The following GPR176 variants were observed in gnomAD, a reference collection of about 807,000 sequenced individuals.
GPR176 encodes the protein G protein-coupled receptor 176.
In GPR176, 26 loss-of-function variants were observed where a neutral mutation model predicts 35.4. The ratio of observed to expected loss-of-function variants is 0.74; its 90% CI spans 0.54 to 1.02. GPR176 has a LOEUF of 1.02. Among genes scored for constraint, GPR176 ranks in the 50% least tolerant of loss-of-function variants. The pLI, the probability that GPR176 is intolerant of heterozygous loss-of-function variation, is 0.00. For synonymous variants in GPR176, 278 were observed against 271.3 expected (o/e 1.02, Z -0.24); for missense variants, 597 against 665.3 (o/e 0.90, Z 1.13).
Position 39,799,539 on chromosome 15 carries a change from A to T in GPR176, c.*1593T>A, listed in dbSNP as rs535126778. 6.6e-6 allele frequency: 1 copy of T among 152,364 alleles called. No homozygotes were observed. The highest frequency in any genetic ancestry group is 2.1e-4 in the South Asian group (1 of 4,820). 9.4% of individuals were successfully genotyped at this position (152,364 alleles called of 1,614,324 possible). A position where few individuals can be genotyped will look rare whatever the true frequency, so the allele number is the denominator to read the frequency against. The stretch of plus-strand genomic sequence containing the variant: ...ACACCCAAGAGAAGAAAGGAAAACA[A>T]AACTCCCTACAGGGTCTGGGCTCCC... On this transcript the variant is annotated 3_prime_UTR_variant, in exon 3 of 3. Coordinates refer to ENST00000561100, the MANE Select transcript of GPR176 (RefSeq NM_007223.3).
chr15:39,824,843 G>A (rs944045413), intron 1 of GPR176, among the ~76,000 whole-genome samples: 2 of 152,112 alleles, frequency 1.3e-5, no homozygotes, highest in African/African-American at 4.8e-5. Context: ...CTACCCCTCT[G>A]CTTTTTCACA....
At chr15:39,804,104 G>C (rs1016368052) in intron 2 of GPR176, among the ~76,000 whole-genome samples, 6 of 152,132 alleles carry the variant, frequency 3.9e-5, no homozygotes, top group African/African-American at 1.4e-4. Context: ...ACTGCCATTT[G>C]CTCACTGACA....
chr15:39,808,012 GT>G (rs1313737840), intron 1 of GPR176, among the ~76,000 whole-genome samples: 3 of 152,098 alleles, frequency 2.0e-5, no homozygotes, highest in Non-Finnish European at 4.4e-5. Context: ...CAATCTCCTG[GT>G]TTTCCTTCCA....
intron 1 of GPR176, among the ~76,000 whole-genome samples, chr15:39,865,686 A>G (rs1431632451): frequency 6.6e-6 from 1 of 152,154 alleles, no homozygotes; most frequent in Admixed American, 6.5e-5. Context: ...TTACAACTGT[A>G]CCCCATAAAT....
chr15:39,854,657 T>C (rs970731237), intron 1 of GPR176, among the ~76,000 whole-genome samples: 6 of 152,142 alleles, frequency 3.9e-5, no homozygotes, highest in African/African-American at 1.2e-4. Context: ...GTAGGGAGCA[T>C]AGAAATCAGT....
chr15:39,879,757 T>TCACTCC (rs2032400785), intron 1 of GPR176, among the ~76,000 whole-genome samples: 1 of 152,160 alleles, frequency 6.6e-6, no homozygotes, highest in Non-Finnish European at 1.5e-5. Flanking sequence ...TATTCCTCAC[T>TCACTCC]CACTCCCTAT....
intron 1 of GPR176, among the ~76,000 whole-genome samples, chr15:39,811,029 C>T (rs933609204): frequency 6.6e-6 from 1 of 152,128 alleles, no homozygotes; most frequent in Non-Finnish European, 1.5e-5. Context: ...AGGCTTTTAA[C>T]TAATATGCCA....
At position 39,830,871 on chromosome 15, in the gene GPR176, A is replaced by G. The variant is rs937242745; in HGVS notation, c.173-23613T>C. ...TAACAACTGCTAGAAGGCCTCATCC[A>G]AGAGAATATAAACAGAGACTCTCAC... On this transcript the variant is annotated intron_variant, in intron 1 of 2. Transcript: ENST00000561100. 6.6e-5 allele frequency among the ~76,000 whole-genome samples: 10 copies of G among 152,212 alleles called. No individual in the cohort carries two copies. The South Asian group carries it at 1.4e-3, about 22-fold the overall frequency.
At chr15:39,875,264 T>C (rs978409044) in intron 1 of GPR176, among the ~76,000 whole-genome samples, 6 of 152,222 alleles carry the variant, frequency 3.9e-5, no homozygotes, top group African/African-American at 1.4e-4. Context: ...TCTCGCTTTT[T>C]GAGCCTGATA....
chr15:39,879,027 A>T (rs893288496), intron 1 of GPR176, among the ~76,000 whole-genome samples: 1 of 152,216 alleles, frequency 6.6e-6, no homozygotes, highest in Admixed American at 6.5e-5. Context: ...CACCTTGGTG[A>T]AGATTACTGA....
chr15:39,845,671 C>T (rs908096040), intron 1 of GPR176, among the ~76,000 whole-genome samples: 1 of 151,992 alleles, frequency 6.6e-6, no homozygotes, highest in Non-Finnish European at 1.5e-5. Flanking sequence ...GTGGGAAGGG[C>T]AGGTCTGTCT....
At chr15:39,832,128 A>G (rs1305416482) in intron 1 of GPR176, among the ~76,000 whole-genome samples, 1 of 152,190 alleles carries the variant, frequency 6.6e-6, no homozygotes, top group East Asian at 1.9e-4. Flanking sequence ...GCTCAGCATC[A>G]TTAGCCATTA....
At position 39,819,829 on chromosome 15, in the gene GPR176, C is replaced by T. The variant is rs958640287; in HGVS notation, c.173-12571G>A. Among the ~76,000 whole-genome samples the T allele has an allele frequency of 5.3e-5, 8 of 152,326 alleles. No individual in the cohort carries two copies. The East Asian group carries it at 1.5e-3, about 29-fold the overall frequency. Reference sequence around the variant, plus strand: ...ACTAAGAAAGGAAAGTGAGCCTGATCGTGCTTCAGTCCACTGGGACCTAGC... The same window carrying T: ...ACTAAGAAAGGAAAGTGAGCCTGATTGTGCTTCAGTCCACTGGGACCTAGC... On this transcript the variant is annotated intron_variant, in intron 1 of 2. Transcript: ENST00000561100.
At position 39,801,869 on chromosome 15, in the gene GPR176, T is replaced by A. The variant is rs758251416; in HGVS notation, c.811A>T (p.Met271Leu). ...EAELHATLLS[M>L]VMVFILCSVP... ...CTACACAAGATGAAGACCATCACCA[T>A]GGAGAGCAGGGTGGCGTGCAGCTCG... The change falls in exon 3 of 3, where the codon ATG (methionine) becomes TTG (leucine). Residue 271 changes from methionine to leucine, a missense_variant. By Grantham distance (15) the Met-to-Leu change is conservative. Transcript: ENST00000561100. 1 of 1,613,904 alleles carries A rather than the reference T, an allele frequency of 6.2e-7. No homozygotes were observed. Among genetic ancestry groups the A allele is most frequent in the Non-Finnish European group, 8.5e-7 (1 of 1,179,988 alleles).
At chr15:39,825,985 A>T (rs139798436) in intron 1 of GPR176, among the ~76,000 whole-genome samples, 1 of 152,322 alleles carries the variant, frequency 6.6e-6, no homozygotes, top group East Asian at 1.9e-4. Flanking sequence ...AACAGGTCTA[A>T]GTGAGTCAAG....
intron 1 of GPR176, 175 bp from the exon 2 acceptor site, chr15:39,807,433 G>T: frequency 1.3e-6 from 1 of 775,906 alleles, no homozygotes; most frequent in South Asian, 2.5e-5. Flanking sequence ...GTCAATTTAT[G>T]TGAAATTATT....
rs571279938 is a variant in GPR176, at chr15:39,801,038, G to T, written c.*94C>A. On this transcript the variant is annotated 3_prime_UTR_variant, in exon 3 of 3. Coordinates refer to ENST00000561100, the MANE Select transcript of GPR176 (RefSeq NM_007223.3). ...TGGAGGAATCAACTCACACTGAGTTGCAAGGAGATCATACAATCACATGGC... is the reference window on the plus strand; with the variant it reads ...TGGAGGAATCAACTCACACTGAGTTTCAAGGAGATCATACAATCACATGGC... 5 of 1,056,706 alleles carry T rather than the reference G, an allele frequency of 4.7e-6. No homozygotes were observed. Among genetic ancestry groups the T allele is most frequent in the Non-Finnish European group, 7.0e-6 (5 of 716,904 alleles). The allele number at this position is 1,056,706 out of a possible 1,614,324, so 65.5% of individuals were successfully genotyped here.
intron 1 of GPR176, among the ~76,000 whole-genome samples, chr15:39,846,245 T>C (rs778636645): frequency 5.3e-5 from 8 of 152,188 alleles, no homozygotes; most frequent in Non-Finnish European, 1.0e-4. Flanking sequence ...GCAAGAGAAG[T>C]CTAGCATGAC....
intron 1 of GPR176, among the ~76,000 whole-genome samples, chr15:39,902,330 T>G (rs1251601128): frequency 6.6e-6 from 1 of 152,172 alleles, no homozygotes; most frequent in African/African-American, 2.4e-5. Context: ...CCTTACCTGC[T>G]AGAGCCCATT....
Sources: allele counts gnomAD v4.1 joint callset (sites outside exome capture counted in the v4.1 genomes callset), GRCh38; gene constraint gnomAD v4.1.1; transcripts MANE v1.5; gene names NCBI Gene and HGNC (gene_info 2026-07-23, HGNC 2026-07-21).